AFF2: variants seen among roughly 807,000 people sequenced by gnomAD.
AFF2 encodes the protein AF4/FMR2 family member 2.
In AFF2, 14 loss-of-function variants were observed where a neutral mutation model predicts 76.9. That is an observed-to-expected ratio of 0.18 (90% CI 0.12 to 0.28). AFF2 has a LOEUF of 0.28. Ranked by LOEUF, AFF2 falls within the 10% of genes least tolerant of loss-of-function variation. AFF2 has a pLI of 1.00. For synonymous variants in AFF2, 398 were observed against 366.7 expected (o/e 1.09, Z -0.98); for missense variants, 868 against 1,001.1 (o/e 0.87, Z 1.79).
At chrX:148,598,425 G>A (rs1557247621) in intron 1 of AFF2, among the ~76,000 whole-genome samples, 2 of 111,424 alleles carry the variant, frequency 1.8e-5, no homozygotes, top group African/African-American at 3.3e-5. Context: ...AAACAAAAAC[G>A]AAGTAAAATG....
At chrX:148,622,591 A>T (rs782339856) in intron 1 of AFF2, among the ~76,000 whole-genome samples, 5 of 111,741 alleles carry the variant, frequency 4.5e-5, no homozygotes, top group African/African-American at 1.3e-4. Context: ...GGCCAACTTG[A>T]TATCTGCAGT....
intron 3 of AFF2, among the ~76,000 whole-genome samples, chrX:148,785,091 G>A (rs1429991785): frequency 4.5e-5 from 5 of 111,899 alleles, no homozygotes; most frequent in Admixed American, 1.9e-4. Context: ...TTGGGGCACC[G>A]GGCTCCTGAG....
At chrX:148,811,548 G>A (rs1357268710) in intron 4 of AFF2, among the ~76,000 whole-genome samples, 2 of 112,146 alleles carry the variant, frequency 1.8e-5, no homozygotes, top group African/African-American at 6.5e-5. Context: ...AACATTGAAA[G>A]AAATGTCTTA....
chrX:148,989,168 C>T (rs2072507486), intron 20 of AFF2, among the ~76,000 whole-genome samples: 1 of 112,480 alleles, frequency 8.9e-6, no homozygotes, highest in Non-Finnish European at 1.9e-5. Flanking sequence ...TCTAGAATTG[C>T]AAGTGAAGAT....
At chrX:148,704,518 T>TTA (rs1557262245) in intron 3 of AFF2, among the ~76,000 whole-genome samples, 8 of 54,145 alleles carry the variant, frequency 1.5e-4, no homozygotes, top group East Asian at 5.0e-4. Flanking sequence ...ATATATATTT[T>TTA]TATATATATA....
intron 9 of AFF2, among the ~76,000 whole-genome samples, chrX:148,947,459 T>C (rs1194939666): frequency 8.9e-6 from 1 of 112,006 alleles, no homozygotes; most frequent in Admixed American, 9.5e-5. Flanking sequence ...GCAATTCTGT[T>C]TTTATCGGTT....
chrX:148,908,014 A>G (rs1230791306), intron 9 of AFF2, among the ~76,000 whole-genome samples: 2 of 111,321 alleles, frequency 1.8e-5, no homozygotes, highest in African/African-American at 6.5e-5. Context: ...TATTTCTCCC[A>G]TTTGCTTTTG....
At chrX:148,501,508 G>T (rs2052350853) in intron 1 of AFF2, among the ~76,000 whole-genome samples, 1 of 113,264 alleles carries the variant, frequency 8.8e-6, no homozygotes, top group Admixed American at 9.2e-5. Context: ...GATGCCGCCC[G>T]CCCGAAATGT....
chrX:148,656,702 G>A (rs992553136), intron 2 of AFF2, among the ~76,000 whole-genome samples: 13 of 107,498 alleles, frequency 1.2e-4, no homozygotes, highest in Middle Eastern at 4.7e-3. Context: ...GGGTTTCACC[G>A]TTTTAGCCGG....
rs373744229 is a variant in AFF2 at position 148,896,242 on chromosome X, T to C, written c.1360-7979T>C. Among the ~76,000 whole-genome samples the C allele has an allele frequency of 2.8e-4, 31 of 111,626 alleles. 2 individuals carry two copies. Among genetic ancestry groups the C allele is most frequent in the Admixed American group, 2.2e-3 (23 of 10,536 alleles). On this transcript the variant is annotated intron_variant, in intron 8 of 20. Transcript: ENST00000370460. ...CTATCCTGAAGAGGGAGGAATCTGT[T>C]TGGGGGATGATATTAATTCAGCTTC...
chrX:148,849,943 T>G (rs2124677853), intron 7 of AFF2, among the ~76,000 whole-genome samples: 1 of 111,455 alleles, frequency 9.0e-6, no homozygotes, highest in South Asian at 3.9e-4. Context: ...AAAATGGCAA[T>G]GCCATTTTGG....
intron 8 of AFF2, among the ~76,000 whole-genome samples, chrX:148,886,356 C>T (rs1166294881): frequency 3.6e-5 from 4 of 111,022 alleles, no homozygotes; most frequent in Non-Finnish European, 5.7e-5. Context: ...GGCTTGGAAC[C>T]CATACTCATT....
chrX:148,935,275 TAGACTC>T (rs1253509951), intron 9 of AFF2, among the ~76,000 whole-genome samples: 3 of 110,485 alleles, frequency 2.7e-5, no homozygotes, highest in East Asian at 2.8e-4. Flanking sequence ...ACTCAAGCGT[TAGACTC>T]AGAAGAGAGA....
chrX:148,923,961 T>G (rs2071623361), intron 9 of AFF2, among the ~76,000 whole-genome samples: 2 of 111,864 alleles, frequency 1.8e-5, no homozygotes, highest in African/African-American at 3.2e-5. Flanking sequence ...TGTTTATCTT[T>G]TGTGAAAAAG....
chrX:148,985,013 T>C (rs1236071024), intron 19 of AFF2, among the ~76,000 whole-genome samples: 2 of 110,379 alleles, frequency 1.8e-5, no homozygotes, highest in Non-Finnish European at 3.8e-5. Flanking sequence ...TTTTGGGAGA[T>C]GGAGTCTCAC....
intron 1 of AFF2, among the ~76,000 whole-genome samples, chrX:148,532,856 A>G (rs782143023): frequency 2.7e-5 from 3 of 110,282 alleles, no homozygotes; most frequent in African/African-American, 6.6e-5. Flanking sequence ...ATGTGTGTGT[A>G]TGTGTGTGTG....
chrX:148,787,758 A>T (rs781993068), intron 3 of AFF2, among the ~76,000 whole-genome samples: 1 of 112,111 alleles, frequency 8.9e-6, no homozygotes, highest in South Asian at 3.7e-4. Flanking sequence ...ATAATCACTG[A>T]TTTTTTCACA....
At chrX:148,664,558 C>G (rs2054339301) in intron 3 of AFF2, among the ~76,000 whole-genome samples, 1 of 111,657 alleles carries the variant, frequency 9.0e-6, no homozygotes, top group Admixed American at 9.5e-5. Flanking sequence ...CTAGCACCTT[C>G]TATATGCCCT....
At chrX:148,911,225 A>G (rs918333868) in intron 9 of AFF2, among the ~76,000 whole-genome samples, 1 of 110,939 alleles carries the variant, frequency 9.0e-6, no homozygotes, top group Non-Finnish European at 1.9e-5. Flanking sequence ...AAGGACAAGA[A>G]GACACATCAT....
Sources: gnomAD v4.1 joint callset for allele counts (sites outside exome capture counted in the v4.1 genomes callset) on GRCh38, gnomAD v4.1.1 for gene constraint, MANE v1.5 for transcripts, NCBI Gene and HGNC (gene_info 2026-07-23, HGNC 2026-07-21) for gene names.